ARFGEF3: variants seen among roughly 807,000 people sequenced by gnomAD.
ARFGEF3 encodes the protein ARFGEF family member 3.
Under a neutral mutation model 221.7 loss-of-function variants are expected in ARFGEF3, and 96 were observed. That is an observed-to-expected ratio of 0.43 (90% CI 0.37 to 0.51). The LOEUF (loss-of-function observed/expected upper bound fraction) is 0.51. Among genes scored for constraint, ARFGEF3 ranks in the 20% least tolerant of loss-of-function variants. ARFGEF3 has a pLI of 0.00. For synonymous variants in ARFGEF3, 1,145 were observed against 1,126.8 expected, an observed-to-expected ratio of 1.02 and a Z score of -0.32; for missense variants, 2,410 against 2,789.9, an observed-to-expected ratio of 0.86 and a Z score of 3.07.
At position 138,335,194 on chromosome 6, in the gene ARFGEF3, T is replaced by A. The variant is rs1256257175; in HGVS notation, c.6342+6T>A. 1 of 1,522,708 alleles carries A rather than the reference T, an allele frequency of 6.6e-7. No individual in the cohort carries two copies. The highest frequency in any genetic ancestry group is 2.1e-5 in the Admixed American group (1 of 47,014). 94.3% of individuals were successfully genotyped at this position (1,522,708 alleles called of 1,614,324 possible). A position where few individuals can be genotyped will look rare whatever the true frequency, so the allele number is the denominator to read the frequency against. On this transcript the variant is annotated splice_donor_region_variant and intron_variant, in intron 33 of 33. Transcript: ENST00000251691. Reference sequence around the variant, plus strand: ...ACGCAGAAGCACAGATCCAGGTACATCCCTGTGGCCACAGCAGGTGGGCGG... The same window carrying A: ...ACGCAGAAGCACAGATCCAGGTACAACCCTGTGGCCACAGCAGGTGGGCGG...
chr6:138,178,417 G>T (rs911523899), intron 2 of ARFGEF3, among the ~76,000 whole-genome samples: 1 of 152,160 alleles, frequency 6.6e-6, no homozygotes, highest in Non-Finnish European at 1.5e-5. Flanking sequence ...CTTATAACAT[G>T]CAGCCTTTCT....
intron 25 of ARFGEF3, among the ~76,000 whole-genome samples, chr6:138,313,375 G>A (rs1461886186): frequency 1.8e-4 from 27 of 152,140 alleles, no homozygotes; most frequent in Admixed American, 1.8e-3. Context: ...TTCTTCAGAG[G>A]TTGAGTCAAG....
At chr6:138,293,892 C>A in intron 19 of ARFGEF3, 101 bp from the exon 20 acceptor site, 1 of 1,162,018 alleles carries the variant, frequency 8.6e-7, no homozygotes, top group Non-Finnish European at 1.2e-6. Flanking sequence ...GTTTACACAG[C>A]ATTTCCATTA....
At chr6:138,247,587 G>A (rs973580501) in intron 8 of ARFGEF3, among the ~76,000 whole-genome samples, 1 of 152,118 alleles carries the variant, frequency 6.6e-6, no homozygotes, top group African/African-American at 2.4e-5. Context: ...ATCAAGAGTG[G>A]TGTTTAATCA....
At chr6:138,305,559 C>CGT (rs1562386383) in intron 22 of ARFGEF3, among the ~76,000 whole-genome samples, 1 of 148,344 alleles carries the variant, frequency 6.7e-6, no homozygotes. Context: ...TGCAGTGAGC[C>CGT]GTGATCACAT....
chr6:138,206,025 T>C (rs1777619066), intron 2 of ARFGEF3, among the ~76,000 whole-genome samples: 1 of 152,224 alleles, frequency 6.6e-6, no homozygotes, highest in Non-Finnish European at 1.5e-5. Flanking sequence ...AATCCTATAG[T>C]CTAATGTGGT....
chr6:138,301,806 G>A (rs181332869), intron 22 of ARFGEF3, among the ~76,000 whole-genome samples: 6 of 152,316 alleles, frequency 3.9e-5, no homozygotes, highest in African/African-American at 2.4e-5. Flanking sequence ...GACTCAAGGT[G>A]TTTGAGCATA....
At position 138,293,514 on chromosome 6, in the gene ARFGEF3, G is replaced by A. The variant is rs577426936; in HGVS notation, c.3369-479G>A. ...TTGGGTGTGTATGAGGCCAGTCCCC[G>A]CCCTGGAGGGGGGCTTACAGGATCT... is the stretch of plus-strand genomic sequence containing the variant. On this transcript the variant is annotated intron_variant, in intron 19 of 33. Coordinates refer to ENST00000251691, the MANE Select transcript of ARFGEF3 (RefSeq NM_020340.5). 4.1e-4 allele frequency among the ~76,000 whole-genome samples: 62 copies of A among 152,254 alleles called. 1 individual carries two copies. The highest frequency in any genetic ancestry group is 9.6e-4 in the African/African-American group (40 of 41,542).
chr6:138,312,463 A>AC (rs747975277), intron 25 of ARFGEF3, among the ~76,000 whole-genome samples: 97 of 151,312 alleles, frequency 6.4e-4, no homozygotes, highest in Non-Finnish European at 8.3e-4. Flanking sequence ...ATATGACGCG[A>AC]CCCCTGCCCG....
At chr6:138,173,492 G>A (rs1283285126) in intron 2 of ARFGEF3, among the ~76,000 whole-genome samples, 3 of 152,192 alleles carry the variant, frequency 2.0e-5, no homozygotes, top group Admixed American at 2.0e-4. Flanking sequence ...AGCAACAGAA[G>A]AGGTTTCTGC....
intron 31 of ARFGEF3, among the ~76,000 whole-genome samples, chr6:138,326,218 C>A (rs1359756176): frequency 6.6e-6 from 1 of 152,006 alleles, no homozygotes; most frequent in Non-Finnish European, 1.5e-5. Context: ...CTTATGTATT[C>A]ACTCTTAAAA....
chr6:138,283,094 G>A (rs1211200774), intron 14 of ARFGEF3, among the ~76,000 whole-genome samples: 1 of 152,082 alleles, frequency 6.6e-6, no homozygotes, highest in Non-Finnish European at 1.5e-5. Flanking sequence ...TCAAATGTAT[G>A]AGAGCCATTT....
Position 138,324,035 on chromosome 6 carries a change from T to G in ARFGEF3, c.4882T>G (p.Cys1628Gly). The change falls in exon 31 of 34, where the codon TGC becomes GGC. Residue 1628 changes from cysteine to glycine, a missense_variant. Around this residue, in one of 5 missense-constraint regions of ARFGEF3, gnomAD observed 723 missense variants for 991.9 expected, o/e 0.73. Coordinates refer to ENST00000251691, the MANE Select transcript of ARFGEF3 (RefSeq NM_020340.5). ...TLKPVKDLLG[C>G]FHSGTESFSG... is the part of the protein sequence containing the mutation. ...TGTTTCTCCCCAGGACCTGCTGGGC[T>G]GCTTCCACAGCGGCACGGAGAGCTT... 1 of 1,613,752 alleles carries G rather than the reference T, an allele frequency of 6.2e-7. No homozygotes were observed. The highest frequency in any genetic ancestry group is 1.1e-5 in the South Asian group (1 of 91,038).
chr6:138,297,872 C>A (rs1314507304), intron 21 of ARFGEF3, among the ~76,000 whole-genome samples: 1 of 152,058 alleles, frequency 6.6e-6, no homozygotes, highest in Non-Finnish European at 1.5e-5. Context: ...TCAGCTGGTG[C>A]AAAGTCTGGG....
At position 138,262,741 on chromosome 6, in the gene ARFGEF3, A is replaced by G. The variant is rs1311605161; in HGVS notation, c.1258A>G (p.Ile420Val). Reference protein sequence around the residue: ...GMTEACIKGGIEACYAAVSCV... With the variant: ...GMTEACIKGGVEACYAAVSCV... ...GACCGAAGCATGCATCAAGGGTGGCATCGAAGCTTGCTATGCAGCCGTGTC... is the reference window on the plus strand; with the variant it reads ...GACCGAAGCATGCATCAAGGGTGGCGTCGAAGCTTGCTATGCAGCCGTGTC... Residue 420 changes from isoleucine to valine, a missense_variant, in exon 12 of 34, where the codon ATC (isoleucine) becomes GTC (valine). Coordinates refer to ENST00000251691, the MANE Select transcript of ARFGEF3 (RefSeq NM_020340.5). 6.2e-7 allele frequency: 1 copy of G among 1,610,950 alleles called. No homozygotes were observed.
At chr6:138,271,017 G>A (rs1298515868) in intron 12 of ARFGEF3, among the ~76,000 whole-genome samples, 1 of 152,208 alleles carries the variant, frequency 6.6e-6, no homozygotes, top group East Asian at 1.9e-4. Context: ...TATCATGAAG[G>A]AGAGTTTCAA....
At chr6:138,299,222 A>C (rs925565348) in intron 22 of ARFGEF3, among the ~76,000 whole-genome samples, 1 of 150,660 alleles carries the variant, frequency 6.6e-6, no homozygotes, top group Non-Finnish European at 1.5e-5. Context: ...AAAAAAAAAA[A>C]AACAGAAAAG....
intron 24 of ARFGEF3, among the ~76,000 whole-genome samples, chr6:138,310,356 A>G (rs542929772): frequency 6.6e-6 from 1 of 152,230 alleles, no homozygotes; most frequent in Non-Finnish European, 1.5e-5. Flanking sequence ...TTGGCAAGCT[A>G]TGGCCCACAG....
rs1012128468 is a variant in ARFGEF3 at position 138,291,430 on chromosome 6, G to T, written c.3048-303G>T. The stretch of plus-strand genomic sequence containing the variant: ...AGGAGGGCAGATAAGCCAGTAAGCC[G>T]GATGAGGCAGGGGGACTGGATGAAC... On this transcript the variant is annotated intron_variant, in intron 18 of 33. Coordinates refer to ENST00000251691, the MANE Select transcript of ARFGEF3 (RefSeq NM_020340.5). The surrounding 1 kb of genome is among the most constrained non-coding windows in gnomAD (Gnocchi z 4.5). Among the ~76,000 whole-genome samples, 1 of 152,162 alleles carries T rather than the reference G, an allele frequency of 6.6e-6. No individual in the cohort carries two copies. The highest frequency in any genetic ancestry group is 2.4e-5 in the African/African-American group (1 of 41,436).
Sources: gnomAD v4.1 joint callset for allele counts (sites outside exome capture counted in the v4.1 genomes callset) on GRCh38, gnomAD v4.1.1 for gene constraint, gnomAD v4.1.1 regional missense constraint, Gnocchi (gnomAD v3.1) non-coding constraint, MANE v1.5 for transcripts, NCBI Gene and HGNC (gene_info 2026-07-23, HGNC 2026-07-21) for gene names.